Variants in N4BP1 observed in about 807,000 individuals in gnomAD.
N4BP1 encodes the protein NEDD4 binding protein 1, also known as NEDD4-binding protein 1.
Under a neutral mutation model 70.9 loss-of-function variants are expected in N4BP1, and 21 were observed. The observed-to-expected ratio is 0.30, with a 90% CI of 0.21 to 0.43. The LOEUF is 0.43. Ranked by LOEUF, N4BP1 falls within the 20% of genes least tolerant of loss-of-function variation. The pLI is 1.00. For missense variants in N4BP1, 936 were observed against 1,069.4 expected, an observed-to-expected ratio of 0.88 and a Z score of 1.74; for synonymous variants, 387 against 394.6, an observed-to-expected ratio of 0.98 and a Z score of 0.23.
chr16:48,592,113 T>C (rs1258296984), intron 1 of N4BP1, among the ~76,000 whole-genome samples: 1 of 152,046 alleles, frequency 6.6e-6, no homozygotes, highest in East Asian at 1.9e-4. Flanking sequence ...GAGATGAGAT[T>C]CCCATGGGGG....
chr16:48,569,876 C>T (rs1414969807), intron 1 of N4BP1, among the ~76,000 whole-genome samples: 2 of 152,150 alleles, frequency 1.3e-5, no homozygotes, highest in African/African-American at 4.8e-5. Flanking sequence ...GGCTCACTTT[C>T]CTGAACTCCT....
chr16:48,609,869 A>G lies in N4BP1; in HGVS notation c.104T>C (p.Leu35Pro). The part of the protein sequence containing the change: ...GRIEGLFGVS[L>P]AVLGALGAEE... The stretch of plus-strand genomic sequence containing the variant: ...AGCCCCTAGCGCGCCGAGCACGGCT[A>G]GGCTCACGCCAAACAGGCCCTCGAT... The change falls in exon 1 of 7, where the codon CTA (leucine) becomes CCA (proline). Residue 35 changes from leucine to proline, a missense_variant. This residue lies in a region of N4BP1 where 187 missense variants were observed against 217.1 expected (regional missense o/e 0.86). Transcript: ENST00000262384. The G allele has an allele frequency of 1.3e-6, 2 of 1,486,398 alleles. No individual in the cohort carries two copies. Among genetic ancestry groups the G allele is most frequent in the Non-Finnish European group, 8.9e-7 (1 of 1,121,998 alleles). The allele number at this position is 1,486,398 out of a possible 1,614,324, so 92.1% of individuals were successfully genotyped here. A position where few individuals can be genotyped will look rare whatever the true frequency, so the allele number is the denominator to read the frequency against.
chr16:48,561,599 G>A lies in N4BP1; in HGVS notation c.1044C>T (p.Asn348=), dbSNP rs375906701. Residue 348 remains asparagine (N), a synonymous_variant, in exon 2 of 7, where the codon AAC becomes AAT. Transcript: ENST00000262384. The part of the protein sequence containing the change: ...IKETTEEMEY[N]ILVNFFKTMG... ...TGGTTTTAAAAAAGTTTACGAGGAT[G>A]TTGTATTCCATTTCCTCAGTAGTTT... 12 of 1,613,488 alleles carry A rather than the reference G, an allele frequency of 7.4e-6. No individual in the cohort carries two copies. The highest frequency in any genetic ancestry group is 2.7e-5 in the African/African-American group (2 of 74,902).
chr16:48,601,367 T>C (rs981492970), intron 1 of N4BP1, among the ~76,000 whole-genome samples: 1 of 152,236 alleles, frequency 6.6e-6, no homozygotes, highest in Non-Finnish European at 1.5e-5. Flanking sequence ...TCCCAGTGCC[T>C]TTTAAAAGTT....
rs377648598 is a variant in N4BP1, at chr16:48,560,985, T to C, written c.1658A>G (p.His553Arg). ...AAGGGTTGAGCAATTTGGCTTAGAA[T>C]GAGGAGAACTACAACATCCTAAACG... The part of the protein sequence containing the change: ...EKRLGCCSSP[H>R]SKPNCSTLSP... The change falls in exon 2 of 7, where the codon CAT (histidine) becomes CGT (arginine). Residue 553 changes from histidine (H) to arginine (R), a missense_variant. Around this residue, in one of 4 missense-constraint regions of N4BP1, gnomAD observed 515 missense variants for 491.7 expected, o/e 1.05. Transcript: ENST00000262384. 18 of 1,614,000 alleles carry C rather than the reference T, an allele frequency of 1.1e-5. No individual in the cohort carries two copies. Among genetic ancestry groups the C allele is most frequent in the Non-Finnish European group, 1.5e-5 (18 of 1,179,882 alleles).
In N4BP1 at chr16:48,561,984, G is replaced by A. The variant is rs79987532; in HGVS notation, c.659C>T (p.Ala220Val). ...SQQTEFTQNA[A>V]TGLNISRDET... ...ATCTCTAGAAATATTCAGCCCTGTG[G>A]CAGCATTCTGTGTAAACTCTGTTTG... Residue 220 changes from alanine to valine, a missense_variant, in exon 2 of 7, where the codon GCC (alanine) becomes GTC (valine). Ala to Val is a moderately conservative substitution (Grantham distance 64). This residue lies in a region of N4BP1 where 515 missense variants were observed against 491.7 expected (regional missense o/e 1.05). Coordinates refer to ENST00000262384, the MANE Select transcript of N4BP1 (RefSeq NM_153029.4). 6.2e-7 allele frequency: 1 copy of A among 1,613,794 alleles called. No homozygotes were observed. The highest frequency in any genetic ancestry group is 2.2e-5 in the East Asian group (1 of 44,886).
intron 4 of N4BP1, among the ~76,000 whole-genome samples, chr16:48,548,858 AT>A (rs1222786516): frequency 5.3e-5 from 8 of 151,358 alleles, no homozygotes; most frequent in Non-Finnish European, 8.8e-5. Flanking sequence ...AAAAAAAAAA[AT>A]TCATAGGTTC....
Position 48,543,141 on chromosome 16 carries a change from G to T in N4BP1, c.2454C>A (p.Ala818=). Residue 818 remains alanine (A), a synonymous_variant, in exon 7 of 7, where the codon GCC becomes GCA. Coordinates refer to ENST00000262384, the MANE Select transcript of N4BP1 (RefSeq NM_153029.4). ...SHQPPTRIQG[A]PSSHWLPQQP... is the part of the protein sequence containing the mutation. ...GCTGAGGGAGCCAGTGGCTTGAAGG[G>T]GCTCCCTGAATCCGGGTCGGAGGCT... 8 of 1,606,492 alleles carry T rather than the reference G, an allele frequency of 5.0e-6. No individual in the cohort carries two copies. The highest frequency in any genetic ancestry group is 6.8e-6 in the Non-Finnish European group (8 of 1,173,814).
chr16:48,605,900 C>G (rs1378061558), intron 1 of N4BP1, among the ~76,000 whole-genome samples: 1 of 152,188 alleles, frequency 6.6e-6, no homozygotes, highest in Non-Finnish European at 1.5e-5. Context: ...TCTTCCATGC[C>G]CCTGTGATTG....
intron 6 of N4BP1, among the ~76,000 whole-genome samples, chr16:48,545,784 G>C (rs1007109220): frequency 2.6e-5 from 4 of 151,996 alleles, no homozygotes; most frequent in Non-Finnish European, 4.4e-5. Context: ...CCAACACTTT[G>C]GGAGGCTGAG....
chr16:48,556,010 G>A (rs1963746567), intron 2 of N4BP1, among the ~76,000 whole-genome samples: 2 of 152,092 alleles, frequency 1.3e-5, no homozygotes, highest in African/African-American at 2.4e-5. Context: ...CAATTCCACT[G>A]GGTCACTATG....
intron 1 of N4BP1, among the ~76,000 whole-genome samples, chr16:48,583,008 C>T (rs117004051): frequency 4.6e-5 from 7 of 152,270 alleles, no homozygotes; most frequent in Non-Finnish European, 7.4e-5. Flanking sequence ...ACTGCTTGAG[C>T]CCAGTAATTT....
intron 1 of N4BP1, among the ~76,000 whole-genome samples, chr16:48,599,807 T>C (rs769098811): frequency 6.6e-6 from 1 of 152,184 alleles, no homozygotes; most frequent in Non-Finnish European, 1.5e-5. Context: ...TGGAAAACTG[T>C]TACCTCTTCT....
intron 2 of N4BP1, among the ~76,000 whole-genome samples, chr16:48,554,984 A>G (rs1445579384): frequency 6.6e-6 from 1 of 152,210 alleles, no homozygotes; most frequent in African/African-American, 2.4e-5. Context: ...ACCATGAGAC[A>G]ACCCTCTTGG....
chr16:48,572,142 T>C (rs1964028263), intron 1 of N4BP1, among the ~76,000 whole-genome samples: 1 of 152,184 alleles, frequency 6.6e-6, no homozygotes, highest in Non-Finnish European at 1.5e-5. Flanking sequence ...GAGGCTGCAG[T>C]GAGCCATGTT....
chr16:48,543,471 C>T (rs1248488639), intron 6 of N4BP1, among the ~76,000 whole-genome samples: 3 of 152,098 alleles, frequency 2.0e-5, no homozygotes, highest in Non-Finnish European at 4.4e-5. Context: ...TCAAGGCGTG[C>T]CAGGGAATCA....
Position 48,542,647 on chromosome 16 carries a change from A to C in N4BP1, c.*257T>G. The C allele has an allele frequency of 5.5e-6, 2 of 360,416 alleles. No homozygotes were observed. Among genetic ancestry groups the C allele is most frequent in the Non-Finnish European group, 9.9e-6 (2 of 202,200 alleles). The allele number at this position is 360,416 out of a possible 1,614,324, so 22.3% of individuals were successfully genotyped here. On this transcript the variant is annotated 3_prime_UTR_variant, in exon 7 of 7. Transcript: ENST00000262384. Reference sequence around the variant, plus strand: ...ATACACTCAAGAGTAACTGCTATTAAACAGTTCTGAACAGGCAGAAAATGT... The same window carrying C: ...ATACACTCAAGAGTAACTGCTATTACACAGTTCTGAACAGGCAGAAAATGT...
chr16:48,551,623 T>G, intron 3 of N4BP1, 141 bp from the exon 4 acceptor site: 2 of 525,358 alleles, frequency 3.8e-6, no homozygotes, highest in South Asian at 2.8e-5. Context: ...ACTAACTCAC[T>G]AGGAATTAAA....
chr16:48,606,305 T>A (rs1176325250), intron 1 of N4BP1, among the ~76,000 whole-genome samples: 3 of 152,164 alleles, frequency 2.0e-5, no homozygotes, highest in African/African-American at 7.2e-5. Flanking sequence ...CAAGGCTAAC[T>A]TGCAACAATG....
Sources: allele counts gnomAD v4.1 joint callset (sites outside exome capture counted in the v4.1 genomes callset), GRCh38; gene constraint gnomAD v4.1.1; regional missense constraint gnomAD v4.1.1; transcripts MANE v1.5; gene names NCBI Gene and HGNC (gene_info 2026-07-23, HGNC 2026-07-21).